BRD10: variants seen among roughly 807,000 people sequenced by gnomAD.
BRD10 encodes uncharacterized bromodomain-containing protein 10.
At chr9:5,980,196 C>T in the BRD10 span, among the ~76,000 whole-genome samples, 5 of 152,068 alleles carry the variant, frequency 3.3e-5, no homozygotes, top group Non-Finnish European at 7.4e-5. Context: ...ATAAATTAAT[C>T]AGCTCTTTCA....
the BRD10 span, chr9:5,908,821 A>T: frequency 1.0e-6 from 1 of 955,730 alleles, no homozygotes; most frequent in Non-Finnish European, 1.6e-6. Context: ...AATGCAAGCC[A>T]TCTCTAATAA....
At chr9:5,952,618 C>T in the BRD10 span, among the ~76,000 whole-genome samples, 1 of 152,204 alleles carries the variant, frequency 6.6e-6, no homozygotes, top group Non-Finnish European at 1.5e-5. Flanking sequence ...TTAAAAAACA[C>T]TGGCTATGCA....
the BRD10 span, among the ~76,000 whole-genome samples, chr9:6,002,754 G>A: frequency 8.2e-5 from 12 of 146,782 alleles, no homozygotes; most frequent in Admixed American, 1.4e-4. Context: ...TCGGCTCACC[G>A]CAATCTCCAT....
chr9:5,985,879 A>G, the BRD10 span, among the ~76,000 whole-genome samples: 7 of 152,218 alleles, frequency 4.6e-5, no homozygotes, highest in African/African-American at 1.7e-4. Context: ...GGTATCTTCT[A>G]TAACAGAAGT....
chr9:5,949,994 T>C, the BRD10 span, among the ~76,000 whole-genome samples: 1 of 152,190 alleles, frequency 6.6e-6, no homozygotes, highest in Non-Finnish European at 1.5e-5. Context: ...AAATCACCAA[T>C]ATTCTATAAT....
chr9:5,923,103 G>T, the BRD10 span: 1 of 1,613,950 alleles, frequency 6.2e-7, no homozygotes, highest in Non-Finnish European at 8.5e-7. Flanking sequence ...TCACTTTCTA[G>T]ATTCTCAACT....
chr9:5,927,555 A>G, the BRD10 span, among the ~76,000 whole-genome samples: 2 of 152,172 alleles, frequency 1.3e-5, no homozygotes, highest in African/African-American at 4.8e-5. Context: ...TCCTGAATAG[A>G]CTTCTAAGAC....
At chr9:5,968,481 A>C in the BRD10 span, 81 of 1,611,162 alleles carry the variant, frequency 5.0e-5, no homozygotes, top group Non-Finnish European at 6.8e-5. Flanking sequence ...TCTTTACAAC[A>C]ATCAGTTTTT....
At chr9:5,906,118 A>C in the BRD10 span, among the ~76,000 whole-genome samples, 1 of 151,908 alleles carries the variant, frequency 6.6e-6, no homozygotes, top group Non-Finnish European at 1.5e-5. Flanking sequence ...TCAGAGGCTG[A>C]GGCAGGAGGA....
chr9:5,935,993 C>A, the BRD10 span, among the ~76,000 whole-genome samples: 28 of 152,164 alleles, frequency 1.8e-4, no homozygotes, highest in African/African-American at 6.7e-4. Context: ...TCATTATGAA[C>A]GAGTTATTTT....
At chr9:6,003,374 G>A in the BRD10 span, among the ~76,000 whole-genome samples, 11 of 151,986 alleles carry the variant, frequency 7.2e-5, no homozygotes, top group African/African-American at 2.2e-4. Context: ...AATATTTGAC[G>A]TTCTCTAAAG....
At chr9:5,954,381 A>G in the BRD10 span, among the ~76,000 whole-genome samples, 1 of 152,220 alleles carries the variant, frequency 6.6e-6, no homozygotes, top group African/African-American at 2.4e-5. Context: ...TAGGCAAAAA[A>G]GTCACATTAC....
At chr9:5,906,252 C>T in the BRD10 span, among the ~76,000 whole-genome samples, 1 of 149,998 alleles carries the variant, frequency 6.7e-6, no homozygotes, top group African/African-American at 2.5e-5. Flanking sequence ...ATCACTTGAA[C>T]CCAGGACGCA....
At chr9:5,950,375 A>G in the BRD10 span, among the ~76,000 whole-genome samples, 5 of 152,118 alleles carry the variant, frequency 3.3e-5, no homozygotes, top group African/African-American at 9.7e-5. Context: ...AATCCTCACA[A>G]CTCTACAAGG....
the BRD10 span, chr9:5,907,209 T>C: frequency 3.1e-6 from 1 of 326,698 alleles, no homozygotes; most frequent in Non-Finnish European, 5.5e-6. Context: ...GAAGTACAGA[T>C]ATTTTCTTAA....
the BRD10 span, among the ~76,000 whole-genome samples, chr9:5,965,333 C>G: frequency 6.6e-6 from 1 of 151,716 alleles, no homozygotes; most frequent in East Asian, 1.9e-4. Flanking sequence ...AAAAACACTA[C>G]GTTAAACAAA....
chr9:5,880,670 C>T, the BRD10 span, among the ~76,000 whole-genome samples: 1 of 151,892 alleles, frequency 6.6e-6, no homozygotes, highest in Non-Finnish European at 1.5e-5. Context: ...CTACCTGATC[C>T]CTTTCCCTCC....
the BRD10 span, among the ~76,000 whole-genome samples, chr9:5,992,793 G>A: frequency 6.6e-6 from 1 of 151,054 alleles, no homozygotes; most frequent in South Asian, 2.1e-4. Context: ...TCAGAGGCTT[G>A]ATTCTGTTTA....
At chr9:5,909,810 A>T in the BRD10 span, 1 of 152,228 alleles carries the variant, frequency 6.6e-6, no homozygotes, top group South Asian at 2.1e-4. Flanking sequence ...ATCATAAAGG[A>T]TCAGAGATTC....
Sources: allele counts gnomAD v4.1 joint callset (sites outside exome capture counted in the v4.1 genomes callset), GRCh38; gene constraint gnomAD v4.1.1; transcripts MANE v1.5; gene names NCBI Gene and HGNC (gene_info 2026-07-23, HGNC 2026-07-21).